USH2A: variants seen among roughly 807,000 people sequenced by gnomAD.
USH2A encodes the protein Usher syndrome 2A (autosomal recessive, mild).
A neutral mutation model predicts 538.9 loss-of-function variants in USH2A; 443 were observed. That is an observed-to-expected ratio of 0.82 (90% CI 0.76 to 0.89). The LOEUF (loss-of-function observed/expected upper bound fraction) is 0.89. Among genes scored for constraint, USH2A ranks in the 40% least tolerant of loss-of-function variants. The probability of loss-of-function intolerance (pLI) is 0.00; values close to 1 mark genes in which losing one functional copy is unlikely to be tolerated. For synonymous variants in USH2A, 2,413 were observed against 2,273.5 expected (o/e 1.06, Z -1.75); for missense variants, 6,633 against 6,324.8 (o/e 1.05, Z -1.65).
intron 3 of USH2A, among the ~76,000 whole-genome samples, chr1:216,416,908 G>T (rs2039586565): frequency 6.6e-6 from 1 of 152,076 alleles, no homozygotes; most frequent in Admixed American, 6.6e-5. Flanking sequence ...GTCTTTAAAA[G>T]TTTCTATTTC....
chr1:216,406,258 A>G (rs1381893620), intron 3 of USH2A, among the ~76,000 whole-genome samples: 1 of 152,220 alleles, frequency 6.6e-6, no homozygotes, highest in African/African-American at 2.4e-5. Context: ...CCATAGTTAT[A>G]AAAGATGTTA....
chr1:216,190,831 GA>G (rs970710119), intron 19 of USH2A, among the ~76,000 whole-genome samples: 1 of 151,674 alleles, frequency 6.6e-6, no homozygotes, highest in African/African-American at 2.4e-5. Flanking sequence ...TTTTCTTTAT[GA>G]AAAAAAGTCA....
intron 21 of USH2A, among the ~76,000 whole-genome samples, chr1:216,120,471 C>T (rs565465302): frequency 1.8e-4 from 28 of 151,898 alleles, no homozygotes; most frequent in African/African-American, 6.5e-4. Context: ...GCTCCGCCTC[C>T]CGGGTTCACG....
intron 30 of USH2A, among the ~76,000 whole-genome samples, chr1:216,060,487 T>C (rs746866295): frequency 2.0e-5 from 3 of 152,230 alleles, no homozygotes; most frequent in Non-Finnish European, 2.9e-5. Context: ...AATTAAAATG[T>C]CTTTTTCTTT....
chr1:216,195,614 T>C (rs1396965162), intron 19 of USH2A: 1 of 152,076 alleles, frequency 6.6e-6, no homozygotes, highest in Non-Finnish European at 1.5e-5. Context: ...CTTGGAAATA[T>C]TGGCCAAGGG....
At chr1:215,957,278 G>A (rs17582573) in intron 37 of USH2A, among the ~76,000 whole-genome samples, 2,225 of 152,124 alleles carry the variant, frequency 0.015, 18 homozygotes, top group Non-Finnish European at 0.023. Context: ...TGCTGATTTA[G>A]AAACAACATC....
intron 40 of USH2A, among the ~76,000 whole-genome samples, chr1:215,892,935 A>G (rs967829479): frequency 6.6e-6 from 1 of 152,110 alleles, no homozygotes; most frequent in Non-Finnish European, 1.5e-5. Context: ...ATATCAGGAG[A>G]GTATTGTTTA....
chr1:215,895,000 C>T (rs974047532), intron 40 of USH2A, among the ~76,000 whole-genome samples: 2 of 152,172 alleles, frequency 1.3e-5, no homozygotes, highest in African/African-American at 4.8e-5. Context: ...TGTTGAGGGG[C>T]CATGCCCTTC....
At chr1:216,133,243 C>CA (rs2033413470) in intron 21 of USH2A, among the ~76,000 whole-genome samples, 1 of 152,036 alleles carries the variant, frequency 6.6e-6, no homozygotes, top group South Asian at 2.1e-4. Context: ...TATATTTGAA[C>CA]ATTTTAAATA....
chr1:216,289,375 G>A lies in USH2A; in HGVS notation c.1876C>T (p.Arg626Ter), dbSNP rs534534437. The A allele has an allele frequency of 2.4e-5, 39 of 1,613,790 alleles. No individual in the cohort carries two copies. Among genetic ancestry groups the A allele is most frequent in the Middle Eastern group, 1.6e-4 (1 of 6,084 alleles). The change falls in exon 11 of 72, where the codon CGA becomes TGA. Residue 626 changes from arginine (R) to a stop codon, truncating the protein, a stop_gained. Coordinates refer to ENST00000307340, the MANE Select transcript of USH2A (RefSeq NM_206933.4). LOFTEE classifies it high-confidence loss of function. ...GCCGAAGGATCTGCACCAACTTGTCGGAAAAAGTAATCCTTGCACAGCTCA... is the reference window on the plus strand; with the variant it reads ...GCCGAAGGATCTGCACCAACTTGTCAGAAAAAGTAATCCTTGCACAGCTCA... ...NCELCKDYFF[R>*]QVGADPSAID...
At chr1:216,272,542 C>T (rs373825792) in intron 11 of USH2A, among the ~76,000 whole-genome samples, 54 of 151,610 alleles carry the variant, frequency 3.6e-4, no homozygotes, top group African/African-American at 1.2e-3. Flanking sequence ...TTTCCTTTCC[C>T]ATCATCAGTC....
At chr1:216,260,489 C>T (rs772844970) in intron 11 of USH2A, among the ~76,000 whole-genome samples, 4 of 152,136 alleles carry the variant, frequency 2.6e-5, no homozygotes, top group Non-Finnish European at 4.4e-5. Flanking sequence ...GGGAGGAGTT[C>T]TACTGGCATG....
Position 215,680,458 on chromosome 1 carries a change from C to T in USH2A, c.12067-82G>A, listed in dbSNP as rs1161398936. 3 of 1,418,034 alleles carry T rather than the reference C, an allele frequency of 2.1e-6. No individual in the cohort carries two copies. The Admixed American group carries it at 5.1e-5, about 24-fold the overall frequency. 87.8% of individuals were successfully genotyped at this position (1,418,034 alleles called of 1,614,324 possible). A position where few individuals can be genotyped will look rare whatever the true frequency, so the allele number is the denominator to read the frequency against. On this transcript the variant is annotated intron_variant, in intron 61 of 71. Transcript: ENST00000307340. The stretch of plus-strand genomic sequence containing the variant: ...TGCTGGAAAGTCATTCTCTGAACCT[C>T]ATGGCCAAAGCTTGTAGGCAACAGC...
In USH2A at chr1:215,867,250, A is replaced by T. The variant is rs936865784; in HGVS notation, c.8682-80T>A. ...TAACAAATAATTTCTTTTTTTCTTC[A>T]CAAAATACAGGATTTCCTTCCACCC... On this transcript the variant is annotated intron_variant, in intron 43 of 71. Transcript: ENST00000307340. 6.1e-6 allele frequency: 9 copies of T among 1,476,366 alleles called. No individual in the cohort carries two copies. The African/African-American group carries it at 1.1e-4, about 18-fold the overall frequency. The allele number at this position is 1,476,366 out of a possible 1,614,324, so 91.5% of individuals were successfully genotyped here.
At chr1:216,115,980 T>G (rs143590583) in intron 21 of USH2A, among the ~76,000 whole-genome samples, 1 of 151,622 alleles carries the variant, frequency 6.6e-6, no homozygotes, top group African/African-American at 2.4e-5. Flanking sequence ...AACAAGTGAC[T>G]CTAGCAAATA....
At chr1:216,372,458 T>G (rs1169421349) in intron 3 of USH2A, among the ~76,000 whole-genome samples, 1 of 152,168 alleles carries the variant, frequency 6.6e-6, no homozygotes, top group Non-Finnish European at 1.5e-5. Context: ...TATGATTCTC[T>G]GGATTTGCTG....
chr1:215,799,385 T>C (rs564306362), intron 49 of USH2A, among the ~76,000 whole-genome samples: 1 of 152,318 alleles, frequency 6.6e-6, no homozygotes, highest in East Asian at 1.9e-4. Flanking sequence ...TCTGGTGACA[T>C]GGACTATGTG....
intron 4 of USH2A, among the ~76,000 whole-genome samples, chr1:216,340,631 A>G (rs2038059462): frequency 6.6e-6 from 1 of 151,958 alleles, no homozygotes; most frequent in Non-Finnish European, 1.5e-5. Flanking sequence ...CAAATCCAGC[A>G]GCATATCCTT....
At chr1:216,218,624 A>C (rs530883112) in intron 14 of USH2A, among the ~76,000 whole-genome samples, 1 of 152,238 alleles carries the variant, frequency 6.6e-6, no homozygotes, top group Admixed American at 6.5e-5. Flanking sequence ...ATAAGCTGCA[A>C]ATTTGTTTTA....
Sources: gnomAD v4.1 joint callset for allele counts (sites outside exome capture counted in the v4.1 genomes callset) on GRCh38, gnomAD v4.1.1 for gene constraint, MANE v1.5 for transcripts, NCBI Gene and HGNC (gene_info 2026-07-23, HGNC 2026-07-21) for gene names.